ARFGEF3: variants seen among roughly 807,000 people sequenced by gnomAD.
ARFGEF3 encodes ARFGEF family member 3, also known as brefeldin A-inhibited guanine nucleotide-exchange protein 3.
ARFGEF3 carries 96 observed loss-of-function variants against 221.7 expected under a neutral mutation model. That is an observed-to-expected ratio of 0.43 (90% CI 0.37 to 0.51). The LOEUF (loss-of-function observed/expected upper bound fraction) is 0.51, where lower values mean the gene tolerates loss of function less well. Ranked by LOEUF, ARFGEF3 falls within the 20% of genes least tolerant of loss-of-function variation. ARFGEF3 has a pLI of 0.00. For missense variants in ARFGEF3, 2,410 were observed against 2,789.9 expected (o/e 0.86, Z 3.07); for synonymous variants, 1,145 against 1,126.8 (o/e 1.02, Z -0.32).
chr6:138,170,734 A>G (rs374925793), intron 2 of ARFGEF3, 21 bp downstream of exon 2: 12 of 1,434,022 alleles, frequency 8.4e-6, no homozygotes, highest in Non-Finnish European at 1.2e-5. Flanking sequence ...GACATTGTAT[A>G]ATATCACAGA....
In ARFGEF3 at chr6:138,291,253, C is replaced by T. The variant is rs1250811299; in HGVS notation, c.3048-480C>T. Among the ~76,000 whole-genome samples the T allele has an allele frequency of 1.3e-5, 2 of 152,184 alleles. No individual in the cohort carries two copies. The highest frequency in any genetic ancestry group is 2.9e-5 in the Non-Finnish European group (2 of 68,028). Reference sequence around the variant, plus strand: ...GTGGCGCCGTCGGGACCAGGCAGGACGTGGCTGGGCAGAACCCACTGTGGC... The same window carrying T: ...GTGGCGCCGTCGGGACCAGGCAGGATGTGGCTGGGCAGAACCCACTGTGGC... On this transcript the variant is annotated intron_variant, in intron 18 of 33. Transcript: ENST00000251691. This position sits in a 1 kb window ranked among gnomAD's most constrained non-coding sequence, Gnocchi z 4.5.
At chr6:138,225,530 A>G (rs1778069031) in intron 4 of ARFGEF3, among the ~76,000 whole-genome samples, 3 of 152,240 alleles carry the variant, frequency 2.0e-5, no homozygotes, top group Non-Finnish European at 2.9e-5. Flanking sequence ...AGCCTTGAAG[A>G]ACAGTTGCAG....
intron 4 of ARFGEF3, among the ~76,000 whole-genome samples, chr6:138,213,177 A>T (rs181271087): frequency 6.6e-6 from 1 of 151,628 alleles, no homozygotes; most frequent in Admixed American, 6.6e-5. Flanking sequence ...GGTCCCAGCT[A>T]CTCAGGAGGC....
chr6:138,302,243 T>C (rs1173245060), intron 22 of ARFGEF3, among the ~76,000 whole-genome samples: 1 of 152,126 alleles, frequency 6.6e-6, no homozygotes, highest in Non-Finnish European at 1.5e-5. Flanking sequence ...ATAAGGACTC[T>C]AAATATAGAA....
intron 8 of ARFGEF3, 118 bp downstream of exon 8, chr6:138,245,709 C>G (rs544737061): frequency 7.7e-6 from 6 of 777,994 alleles, no homozygotes; most frequent in South Asian, 3.0e-5. Flanking sequence ...TAGTTTCCCC[C>G]CTCCACACCC....
intron 4 of ARFGEF3, among the ~76,000 whole-genome samples, chr6:138,229,153 G>A (rs923130932): frequency 6.6e-6 from 1 of 152,202 alleles, no homozygotes; most frequent in Non-Finnish European, 1.5e-5. Flanking sequence ...AGAGGGAAGA[G>A]GAAAATGCAA....
chr6:138,329,510 A>C (rs1780183762), intron 32 of ARFGEF3, among the ~76,000 whole-genome samples: 1 of 152,112 alleles, frequency 6.6e-6, no homozygotes, highest in South Asian at 2.1e-4. Context: ...CTAAAAATAC[A>C]AAAATTAGCC....
Position 138,341,959 on chromosome 6 carries a change from CAGGG to C in ARFGEF3, c.*5477_*5480del, listed in dbSNP as rs1185548108. ...TTTGTACAATACTACAAAGGGGTACCAGGGAGGAGAGAGTGGCTGACCACTTTAG... is the reference window on the plus strand; with the variant it reads ...TTTGTACAATACTACAAAGGGGTACCAGGAGAGAGTGGCTGACCACTTTAG... On this transcript the variant is annotated 3_prime_UTR_variant, in exon 34 of 34. Transcript: ENST00000251691. 6.6e-6 allele frequency: 1 copy of C among 152,116 alleles called. No individual in the cohort carries two copies. The highest frequency in any genetic ancestry group is 1.5e-5 in the Non-Finnish European group (1 of 68,034). 9.4% of individuals were successfully genotyped at this position (152,116 alleles called of 1,614,324 possible).
At chr6:138,307,120 T>G in intron 22 of ARFGEF3, 133 bp from the exon 23 acceptor site, 1 of 831,626 alleles carries the variant, frequency 1.2e-6, no homozygotes, top group Non-Finnish European at 1.9e-6. Context: ...TTGAGTGAGT[T>G]TGTCTATTCT....
At chr6:138,227,202 G>A (rs1033421234) in intron 4 of ARFGEF3, among the ~76,000 whole-genome samples, 6 of 152,132 alleles carry the variant, frequency 3.9e-5, no homozygotes, top group South Asian at 2.1e-4. Context: ...GTTGCAGGGA[G>A]GTCTCCCTCT....
In ARFGEF3 at chr6:138,340,649, T is replaced by G. The variant is rs1453164175; in HGVS notation, c.*4163T>G. On this transcript the variant is annotated 3_prime_UTR_variant, in exon 34 of 34. Transcript: ENST00000251691. ...CCTCACAACAACCTTGTGAGACAAG[T>G]GTTGTGTTCCTCATTTTTTCAGAGG... The G allele has an allele frequency of 6.6e-6, 1 of 152,180 alleles. No homozygotes were observed. The highest frequency in any genetic ancestry group is 2.4e-5 in the African/African-American group (1 of 41,436). 9.4% of individuals were successfully genotyped at this position (152,180 alleles called of 1,614,324 possible).
chr6:138,332,227 T>G (rs1195652161), intron 32 of ARFGEF3, among the ~76,000 whole-genome samples: 3 of 152,014 alleles, frequency 2.0e-5, no homozygotes, highest in Non-Finnish European at 4.4e-5. Context: ...GGTTCAAATG[T>G]CAGAACCATT....
At position 138,262,695 on chromosome 6, in the gene ARFGEF3, G is replaced by A; in HGVS notation, c.1218-6G>A. ...TATTCCATTTTCTCTTTTGAACACT[G>A]TTTAGCATCATGGATGGCATGACCG... On this transcript the variant is annotated splice_region_variant and splice_polypyrimidine_tract_variant and intron_variant, in intron 11 of 33. Coordinates refer to ENST00000251691, the MANE Select transcript of ARFGEF3 (RefSeq NM_020340.5). The A allele has an allele frequency of 6.3e-7, 1 of 1,596,200 alleles. No individual in the cohort carries two copies. The highest frequency in any genetic ancestry group is 8.6e-7 in the Non-Finnish European group (1 of 1,166,876).
chr6:138,180,970 A>G (rs1562344582), intron 2 of ARFGEF3, among the ~76,000 whole-genome samples: 1 of 152,200 alleles, frequency 6.6e-6, no homozygotes, highest in Non-Finnish European at 1.5e-5. Context: ...GACAAAGAAT[A>G]TTCTTGTCTC....
intron 4 of ARFGEF3, among the ~76,000 whole-genome samples, chr6:138,222,307 T>C (rs762595255): frequency 4.6e-5 from 7 of 152,222 alleles, no homozygotes; most frequent in Non-Finnish European, 8.8e-5. Context: ...GTTTACGAAT[T>C]TGTGTTGGGC....
intron 5 of ARFGEF3, among the ~76,000 whole-genome samples, chr6:138,238,256 C>T (rs887440497): frequency 1.3e-5 from 2 of 152,178 alleles, no homozygotes; most frequent in Admixed American, 6.5e-5. Flanking sequence ...CGCTAATTTG[C>T]GTTCCCCTAT....
intron 2 of ARFGEF3, among the ~76,000 whole-genome samples, chr6:138,202,424 A>G (rs1457230904): frequency 6.6e-6 from 1 of 152,142 alleles, no homozygotes; most frequent in African/African-American, 2.4e-5. Flanking sequence ...CAAGCAGCAA[A>G]ATTAGTTATG....
At chr6:138,230,456 A>C (rs1337085494) in intron 5 of ARFGEF3, among the ~76,000 whole-genome samples, 1 of 152,180 alleles carries the variant, frequency 6.6e-6, no homozygotes, top group Non-Finnish European at 1.5e-5. Context: ...GAACTTTAAT[A>C]TGCTTGGAAT....
chr6:138,173,258 G>T (rs140985476), intron 2 of ARFGEF3, among the ~76,000 whole-genome samples: 2,046 of 152,044 alleles, frequency 0.013, 30 homozygotes, highest in Middle Eastern at 0.051. Flanking sequence ...AAGTATTCCA[G>T]AATTACAGCC....
Sources: gnomAD v4.1 joint callset for allele counts (sites outside exome capture counted in the v4.1 genomes callset) on GRCh38, gnomAD v4.1.1 for gene constraint, Gnocchi (gnomAD v3.1) non-coding constraint, MANE v1.5 for transcripts, NCBI Gene and HGNC (gene_info 2026-07-23, HGNC 2026-07-21) for gene names.